STPG2: variants seen among roughly 807,000 people sequenced by gnomAD.
The protein encoded by STPG2 is sperm-tail PG-rich repeat-containing protein 2.
STPG2 carries 56 observed loss-of-function variants against 54.2 expected under a neutral mutation model. The observed-to-expected ratio is 1.03, with a 90% CI of 0.83 to 1.29. The LOEUF (loss-of-function observed/expected upper bound fraction) is 1.29. STPG2 is among the 50% of genes most tolerant of loss of function. The pLI is 0.00. For synonymous variants in STPG2, 200 were observed against 181.8 expected (o/e 1.10, Z -0.81); for missense variants, 596 against 544.9 (o/e 1.09, Z -0.93).
intron 8 of STPG2, among the ~76,000 whole-genome samples, chr4:97,909,150 T>C (rs975548572): frequency 1.3e-5 from 2 of 151,316 alleles, no homozygotes; most frequent in African/African-American, 4.8e-5. Context: ...TGAAAAAGCA[T>C]AAGCTAATCA....
At chr4:97,759,418 G>C (rs1235923652) in intron 9 of STPG2, among the ~76,000 whole-genome samples, 1 of 152,108 alleles carries the variant, frequency 6.6e-6, no homozygotes, top group East Asian at 1.9e-4. Context: ...AAGGAAAAGA[G>C]AGTTAAATTC....
chr4:97,500,309 T>C (rs1730696532), intron 4 of STPG2, among the ~76,000 whole-genome samples: 1 of 151,934 alleles, frequency 6.6e-6, no homozygotes, highest in African/African-American at 2.4e-5. Context: ...TTAATTGAGA[T>C]GGGGCAGAAA....
In STPG2 at chr4:97,912,854, C is replaced by T. The variant is rs554554081; in HGVS notation, c.1044+31043G>A. On this transcript the variant is annotated intron_variant, in intron 8 of 10. Coordinates refer to ENST00000295268, the MANE Select transcript of STPG2 (RefSeq NM_174952.3). ...AAGAAGCTTTTTAAGAGTTGAGAAA[C>T]GCTGGCCTAAATAAGTGACAAATAA... Among the ~76,000 whole-genome samples, 5 of 152,238 alleles carry T rather than the reference C, an allele frequency of 3.3e-5. No individual in the cohort carries two copies. In the South Asian group the frequency reaches 6.2e-4, roughly 19 times the overall value.
At chr4:97,629,017 C>A (rs540932142) in intron 10 of STPG2, among the ~76,000 whole-genome samples, 1 of 151,968 alleles carries the variant, frequency 6.6e-6, no homozygotes, top group East Asian at 1.9e-4. Flanking sequence ...CTTTAAATAT[C>A]ACTACTATCT....
intron 10 of STPG2, among the ~76,000 whole-genome samples, chr4:97,703,492 G>T: frequency 7.3e-6 from 1 of 137,682 alleles, no homozygotes; most frequent in Non-Finnish European, 1.5e-5. Flanking sequence ...TATATATATA[G>T]TATATACAGT....
At chr4:97,746,674 G>A (rs1377191671) in intron 9 of STPG2, among the ~76,000 whole-genome samples, 3 of 151,154 alleles carry the variant, frequency 2.0e-5, no homozygotes, top group African/African-American at 7.3e-5. Flanking sequence ...ATAAAAGAAA[G>A]GAGGGGTTTA....
intron 8 of STPG2, among the ~76,000 whole-genome samples, chr4:97,893,875 C>T (rs1730858195): frequency 6.6e-6 from 1 of 151,772 alleles, no homozygotes; most frequent in South Asian, 2.1e-4. Context: ...TGTCTGAGTC[C>T]CCTAAAATCT....
chr4:97,908,619 T>C (rs1014574192), intron 8 of STPG2, among the ~76,000 whole-genome samples: 2 of 151,902 alleles, frequency 1.3e-5, no homozygotes, highest in African/African-American at 4.8e-5. Flanking sequence ...CCAACCCAAA[T>C]GTCCAACAAT....
chr4:98,128,299 C>T lies in STPG2; in HGVS notation c.387+129G>A, dbSNP rs77685731. ...AAATTTGGGGGTCTATTTGTTACCA[C>T]AATTAGTGTTCCATTAACTAAAACG... On this transcript the variant is annotated intron_variant, in intron 3 of 10. Transcript: ENST00000295268. 2.1e-3 allele frequency: 1,830 copies of T among 856,812 alleles called. 17 individuals are homozygous for T. The African/African-American group carries it at 0.025, about 12-fold the overall frequency. 53.1% of individuals were successfully genotyped at this position (856,812 alleles called of 1,614,324 possible). A position where few individuals can be genotyped will look rare whatever the true frequency, so the allele number is the denominator to read the frequency against.
At chr4:97,770,826 AGATCAG>A (rs1418182433) in intron 9 of STPG2, among the ~76,000 whole-genome samples, 1 of 152,228 alleles carries the variant, frequency 6.6e-6, no homozygotes, top group Non-Finnish European at 1.5e-5. Flanking sequence ...TGGAAGGCAG[AGATCAG>A]GATGTAAGAG....
intron 10 of STPG2, among the ~76,000 whole-genome samples, chr4:97,677,724 G>A (rs1354705066): frequency 2.0e-5 from 3 of 152,166 alleles, no homozygotes; most frequent in African/African-American, 7.2e-5. Context: ...TCTTGAACCG[G>A]AAGGGTGAAG....
chr4:97,689,880 C>A (rs1723311148), intron 10 of STPG2, among the ~76,000 whole-genome samples: 1 of 151,926 alleles, frequency 6.6e-6, no homozygotes, highest in Non-Finnish European at 1.5e-5. Context: ...ATAGAAATCT[C>A]TAAAACAATA....
chr4:98,022,202 G>T (rs1395363870), intron 5 of STPG2, among the ~76,000 whole-genome samples: 1 of 152,058 alleles, frequency 6.6e-6, no homozygotes, highest in Non-Finnish European at 1.5e-5. Flanking sequence ...GGCTCTTTTA[G>T]GGCAGGTCTG....
At chr4:97,902,448 C>T (rs903480318) in intron 8 of STPG2, among the ~76,000 whole-genome samples, 6 of 152,020 alleles carry the variant, frequency 3.9e-5, no homozygotes. Flanking sequence ...CTCATAAACT[C>T]AACAAAAAGA....
At chr4:97,854,889 C>A (rs1439806977) in intron 8 of STPG2, among the ~76,000 whole-genome samples, 1 of 152,156 alleles carries the variant, frequency 6.6e-6, no homozygotes, top group Non-Finnish European at 1.5e-5. Context: ...CTTCCTGATG[C>A]TCTCCCTCCC....
At chr4:97,508,201 A>G (rs1723731148) in intron 4 of STPG2, among the ~76,000 whole-genome samples, 2 of 152,094 alleles carry the variant, frequency 1.3e-5, no homozygotes, top group South Asian at 4.1e-4. Context: ...CCATAAGGGT[A>G]TAGGAAATCC....
chr4:97,530,019 C>G (rs1731379880), intron 4 of STPG2, among the ~76,000 whole-genome samples: 1 of 151,994 alleles, frequency 6.6e-6, no homozygotes, highest in African/African-American at 2.4e-5. Flanking sequence ...TTTGTGAGAG[C>G]AAGTTTATTA....
At chr4:98,018,479 C>T (rs1266247883) in intron 5 of STPG2, among the ~76,000 whole-genome samples, 5 of 152,232 alleles carry the variant, frequency 3.3e-5, no homozygotes, top group East Asian at 1.9e-4. Context: ...AATAAACATA[C>T]GTGTGCATGT....
intron 4 of STPG2, among the ~76,000 whole-genome samples, chr4:97,499,445 A>G (rs1174512870): frequency 1.3e-5 from 2 of 152,050 alleles, no homozygotes; most frequent in African/African-American, 4.8e-5. Context: ...AACAAATCAG[A>G]CAAAAATCTC....
Sources: gnomAD v4.1 joint callset for allele counts (sites outside exome capture counted in the v4.1 genomes callset) on GRCh38, gnomAD v4.1.1 for gene constraint, MANE v1.5 for transcripts, NCBI Gene and HGNC (gene_info 2026-07-23, HGNC 2026-07-21) for gene names.